SYT14: variants seen among roughly 807,000 people sequenced by gnomAD.
SYT14 encodes the protein synaptotagmin 14, also known as synaptotagmin-14.
A neutral mutation model predicts 74.2 loss-of-function variants in SYT14; 32 were observed. The observed-to-expected ratio is 0.43, with a 90% CI of 0.33 to 0.58. The LOEUF (loss-of-function observed/expected upper bound fraction) is 0.58, where lower values mean the gene tolerates loss of function less well. Among genes scored for constraint, SYT14 ranks in the 20% least tolerant of loss-of-function variants. The pLI is 0.05. For missense variants in SYT14, 791 were observed against 981.8 expected (o/e 0.81, Z 2.60); for synonymous variants, 298 against 337.7 (o/e 0.88, Z 1.29).
In SYT14 at chr1:210,060,773, A is replaced by G. The variant is rs143745643; in HGVS notation, c.1313-33549A>G. Among the ~76,000 whole-genome samples the G allele has an allele frequency of 5.5e-3, 832 of 152,174 alleles. 4 individuals carry two copies. The highest frequency in any genetic ancestry group is 0.019 in the African/African-American group (769 of 41,550). On this transcript the variant is annotated intron_variant, in intron 5 of 9. Transcript: ENST00000637265. ...CAATTTTCCATTTGCTGTTGCTGTT[A>G]TGATGTTAAATTTCTATGCATCATT...
At chr1:210,087,366 C>T (rs1171485592) in intron 5 of SYT14, among the ~76,000 whole-genome samples, 2 of 152,214 alleles carry the variant, frequency 1.3e-5, no homozygotes, top group Non-Finnish European at 2.9e-5. Context: ...TCCTCACCCT[C>T]CTGGATTTTC....
chr1:210,078,081 C>T (rs997751965), intron 5 of SYT14, among the ~76,000 whole-genome samples: 3 of 151,944 alleles, frequency 2.0e-5, no homozygotes, highest in Non-Finnish European at 4.4e-5. Context: ...GAGGCCGAGG[C>T]GGGCGGATCA....
intron 4 of SYT14, among the ~76,000 whole-genome samples, chr1:210,019,003 G>T (rs1338623653): frequency 2.6e-5 from 4 of 151,950 alleles, no homozygotes; most frequent in Non-Finnish European, 5.9e-5. Flanking sequence ...GGGCATGGTG[G>T]TGGGTGCTTA....
intron 5 of SYT14, among the ~76,000 whole-genome samples, chr1:210,029,294 T>A (rs1250780374): frequency 1.3e-5 from 2 of 152,130 alleles, no homozygotes; most frequent in Non-Finnish European, 2.9e-5. Flanking sequence ...ACTTTTTGTA[T>A]TTTTTGTTGT....
At position 210,146,974 on chromosome 1, in the gene SYT14, A is replaced by G. The variant is rs140667411; in HGVS notation, c.2035-8747A>G. On this transcript the variant is annotated intron_variant, in intron 7 of 9. Coordinates refer to ENST00000637265, the Ensembl canonical transcript of SYT14. The stretch of plus-strand genomic sequence containing the variant: ...CAAACTTAGGCTATACAATTCCCAC[A>G]GAAAAAAATAATTTCCATTGAAGAT... 8.6e-3 allele frequency among the ~76,000 whole-genome samples: 1,309 copies of G among 152,166 alleles called. 24 individuals carry two copies. Among genetic ancestry groups the G allele is most frequent in the African/African-American group, 0.03 (1,245 of 41,524 alleles).
exon 10 of SYT14, chr1:210,164,258 T>C (rs1313466688): frequency 8.1e-6 from 2 of 247,016 alleles, no homozygotes; most frequent in African/African-American, 4.6e-5. Context: ...TTGTATTTGC[T>C]GACAAGAATA....
intron 5 of SYT14, among the ~76,000 whole-genome samples, chr1:210,056,014 A>G (rs983263386): frequency 6.6e-6 from 1 of 152,140 alleles, no homozygotes; most frequent in African/African-American, 2.4e-5. Context: ...CCTAAGACTA[A>G]TCCTCATTTC....
At chr1:210,138,855 C>T (rs1224665154) in intron 7 of SYT14, among the ~76,000 whole-genome samples, 1 of 152,060 alleles carries the variant, frequency 6.6e-6, no homozygotes, top group African/African-American at 2.4e-5. Context: ...CAAGGTAATT[C>T]ACAACTTATC....
At chr1:210,092,646 C>T (rs2081896360) in intron 5 of SYT14, among the ~76,000 whole-genome samples, 1 of 152,184 alleles carries the variant, frequency 6.6e-6, no homozygotes, top group African/African-American at 2.4e-5. Context: ...TGCAACATGT[C>T]TAATCTGTCT....
intron 1 of SYT14, among the ~76,000 whole-genome samples, chr1:209,938,529 G>C (rs1053546547): frequency 2.0e-5 from 3 of 152,010 alleles, no homozygotes; most frequent in Non-Finnish European, 4.4e-5. Context: ...CCGCACGCGG[G>C]GCAAAGCGGG....
At position 210,056,537 on chromosome 1, in the gene SYT14, C is replaced by T. The variant is rs148222572; in HGVS notation, c.1312+35283C>T. On this transcript the variant is annotated intron_variant, in intron 5 of 9. Coordinates refer to ENST00000637265, the Ensembl canonical transcript of SYT14. ...TATAACTAAAAAGTTTTTTTGGGGCCGGGCACAGTGGCTCATGCCTGTAAT... is the reference window on the plus strand; with the variant it reads ...TATAACTAAAAAGTTTTTTTGGGGCTGGGCACAGTGGCTCATGCCTGTAAT... 2.2e-3 allele frequency among the ~76,000 whole-genome samples: 330 copies of T among 151,336 alleles called. 1 individual carries two copies. The highest frequency in any genetic ancestry group is 6.0e-3 in the African/African-American group (249 of 41,264).
At chr1:210,070,719 G>C (rs149033092) in intron 5 of SYT14, among the ~76,000 whole-genome samples, 152 of 152,144 alleles carry the variant, frequency 1.0e-3, no homozygotes, top group Non-Finnish European at 1.7e-3. Flanking sequence ...CTTGCGCTTT[G>C]TTGTATGTGG....
chr1:210,154,950 T>C (rs894929128), intron 7 of SYT14, among the ~76,000 whole-genome samples: 20 of 152,338 alleles, frequency 1.3e-4, no homozygotes, highest in Non-Finnish European at 2.6e-4. Context: ...TACTTATTTG[T>C]CCACCCATTT....
intron 2 of SYT14, among the ~76,000 whole-genome samples, chr1:210,007,548 A>T (rs895416613): frequency 1.3e-5 from 2 of 152,108 alleles, no homozygotes; most frequent in Non-Finnish European, 2.9e-5. Flanking sequence ...AATAGAAAAA[A>T]ATTAGAATTC....
At chr1:210,160,844 A>G (rs748894653) in exon 10 of SYT14, 7 of 1,613,930 alleles carry the variant, frequency 4.3e-6, no homozygotes, top group African/African-American at 2.7e-5. Flanking sequence ...TTGTCTTTCA[A>G]GTGGCCCTAT....
chr1:210,115,770 C>A (rs896890187), intron 7 of SYT14, among the ~76,000 whole-genome samples: 2 of 151,370 alleles, frequency 1.3e-5, no homozygotes, highest in South Asian at 2.1e-4. Flanking sequence ...GTGGATCTTT[C>A]TCATGGAGCA....
At chr1:210,024,410 G>A (rs1558136397) in intron 5 of SYT14, among the ~76,000 whole-genome samples, 1 of 152,166 alleles carries the variant, frequency 6.6e-6, no homozygotes, top group Non-Finnish European at 1.5e-5. Context: ...TTTAGGAACT[G>A]AATGTGTTTG....
At chr1:210,148,873 G>A (rs151217269) in intron 7 of SYT14, among the ~76,000 whole-genome samples, 3 of 152,146 alleles carry the variant, frequency 2.0e-5, no homozygotes, top group African/African-American at 7.2e-5. Context: ...ACACCAACTA[G>A]ACAAGAATAA....
chr1:210,075,342 GTTT>G (rs33985042), intron 5 of SYT14, among the ~76,000 whole-genome samples: 1 of 127,660 alleles, frequency 7.8e-6, no homozygotes, highest in South Asian at 2.5e-4. Context: ...TCGAGGGTTT[GTTT>G]TTTTTTTTTT....
Sources: allele counts gnomAD v4.1 joint callset (sites outside exome capture counted in the v4.1 genomes callset), GRCh38; gene constraint gnomAD v4.1.1; transcripts MANE v1.5; gene names NCBI Gene and HGNC (gene_info 2026-07-23, HGNC 2026-07-21).